Variants in NGEF observed in about 807,000 individuals in gnomAD.
NGEF encodes the protein ephexin-1.
In NGEF, 31 loss-of-function variants were observed where a neutral mutation model predicts 80.9. The observed-to-expected ratio is 0.38, with a 90% CI of 0.29 to 0.52. The LOEUF (loss-of-function observed/expected upper bound fraction) is 0.52. Among genes scored for constraint, NGEF ranks in the 20% least tolerant of loss-of-function variants. The pLI is 0.84. For missense variants in NGEF, 709 were observed against 926.2 expected, an observed-to-expected ratio of 0.77 and a Z score of 3.04; for synonymous variants, 371 against 370.2, an observed-to-expected ratio of 1.00 and a Z score of -0.03.
intron 1 of NGEF, among the ~76,000 whole-genome samples, chr2:232,977,708 G>A (rs761122178): frequency 7.2e-5 from 11 of 152,172 alleles, no homozygotes; most frequent in Non-Finnish European, 1.6e-4. Flanking sequence ...GCTGGACCGA[G>A]GAGCTCACCC....
At chr2:233,006,094 G>T (rs1695078663) in intron 1 of NGEF, among the ~76,000 whole-genome samples, 1 of 152,194 alleles carries the variant, frequency 6.6e-6, no homozygotes, top group African/African-American at 2.4e-5. Context: ...GGGATTACAG[G>T]CGTGAGCCAC....
chr2:232,988,644 C>T (rs565018691), intron 1 of NGEF, among the ~76,000 whole-genome samples: 1 of 152,316 alleles, frequency 6.6e-6, no homozygotes, highest in Non-Finnish European at 1.5e-5. Context: ...TCTGCCTGCA[C>T]TGTAGGGAGT....
rs552919921 is a variant in NGEF at position 232,891,575 on chromosome 2, T to A, written c.1143-88A>T. The A allele has an allele frequency of 6.2e-6, 9 of 1,442,808 alleles. No individual in the cohort carries two copies. In the Admixed American group the frequency reaches 2.1e-4, roughly 34 times the overall value. 89.4% of individuals were successfully genotyped at this position (1,442,808 alleles called of 1,614,324 possible). On this transcript the variant is annotated intron_variant, in intron 7 of 14. Coordinates refer to ENST00000264051, the MANE Select transcript of NGEF (RefSeq NM_019850.3). ...CCTCCCCATCCACAGCCTCCCAGGA[T>A]CCAGACGACCCACGGGCTCAGAAAA...
At chr2:232,908,105 G>A (rs945617681) in intron 5 of NGEF, among the ~76,000 whole-genome samples, 4 of 151,988 alleles carry the variant, frequency 2.6e-5, no homozygotes, top group African/African-American at 9.7e-5. Flanking sequence ...GTGAGACTCT[G>A]TCACAAAAAA....
chr2:232,952,019 G>A (rs79914727), intron 3 of NGEF, among the ~76,000 whole-genome samples: 2,707 of 152,288 alleles, frequency 0.018, 75 homozygotes, highest in African/African-American at 0.062. Context: ...CTAGGAAGGC[G>A]TGGTGTGGTC....
chr2:232,893,940 TGGA>T (rs1052744675), intron 6 of NGEF, among the ~76,000 whole-genome samples: 2 of 152,034 alleles, frequency 1.3e-5, no homozygotes, highest in Non-Finnish European at 2.9e-5. Context: ...GAGACCCACT[TGGA>T]GGCCCACAGA....
At chr2:232,968,251 G>A (rs558260108) in intron 3 of NGEF, among the ~76,000 whole-genome samples, 23 of 151,422 alleles carry the variant, frequency 1.5e-4, no homozygotes, top group Non-Finnish European at 3.2e-4. Context: ...ACCATGCCTG[G>A]CTAATTTTGT....
At position 232,914,878 on chromosome 2, in the gene NGEF, G is replaced by A. The variant is rs192501550; in HGVS notation, c.828+5406C>T. On this transcript the variant is annotated intron_variant, in intron 5 of 14. Transcript: ENST00000264051. ...CTAAAAATACAAAAATTACCTGGGC[G>A]TGGTGGTGCACGCCTGTAATCCCAG... is the stretch of plus-strand genomic sequence containing the variant. Among the ~76,000 whole-genome samples the A allele has an allele frequency of 2.1e-3, 316 of 152,070 alleles. 2 individuals are homozygous for A. The highest frequency in any genetic ancestry group is 6.8e-3 in the African/African-American group (281 of 41,478).
intron 9 of NGEF, among the ~76,000 whole-genome samples, chr2:232,885,828 C>T (rs1024887861): frequency 6.6e-6 from 1 of 152,210 alleles, no homozygotes; most frequent in Non-Finnish European, 1.5e-5. Context: ...GGGCCAGGCT[C>T]GCCGCAGGCT....
chr2:232,950,343 T>C (rs923395056), intron 3 of NGEF, among the ~76,000 whole-genome samples: 7 of 152,216 alleles, frequency 4.6e-5, no homozygotes, highest in African/African-American at 1.7e-4. Context: ...TATGTATATG[T>C]TTTAACAAGG....
intron 1 of NGEF, among the ~76,000 whole-genome samples, chr2:232,978,158 CTT>C (rs113485504): frequency 2.7e-5 from 4 of 149,518 alleles, no homozygotes; most frequent in Middle Eastern, 3.5e-3. Context: ...CTAACATGAA[CTT>C]TTTTTTTTTT....
chr2:233,006,328 A>G (rs1178627999), intron 1 of NGEF, among the ~76,000 whole-genome samples: 1 of 152,180 alleles, frequency 6.6e-6, no homozygotes, highest in African/African-American at 2.4e-5. Flanking sequence ...CTCAAGCAAT[A>G]TTATTCACTG....
At chr2:232,882,093 G>A in intron 13 of NGEF, 93 bp downstream of exon 13, 1 of 1,166,398 alleles carries the variant, frequency 8.6e-7, no homozygotes, top group East Asian at 2.5e-5. Context: ...CTCAGGGAGG[G>A]CTTCCCTCCA....
At chr2:232,905,274 G>A (rs1050838701) in intron 5 of NGEF, among the ~76,000 whole-genome samples, 5 of 152,176 alleles carry the variant, frequency 3.3e-5, no homozygotes, top group South Asian at 2.1e-4. Context: ...ACTGGTTTTC[G>A]TATTTTTTTG....
chr2:232,977,209 G>A (rs988426136), intron 1 of NGEF, among the ~76,000 whole-genome samples: 8 of 152,150 alleles, frequency 5.3e-5, no homozygotes, highest in Admixed American at 3.3e-4. Flanking sequence ...GGGGACCCCT[G>A]CACTTGCTCC....
intron 4 of NGEF, among the ~76,000 whole-genome samples, chr2:232,921,642 T>G (rs1692945852): frequency 6.6e-6 from 1 of 151,282 alleles, no homozygotes; most frequent in South Asian, 2.1e-4. Context: ...TTTTTTTTTT[T>G]GTAGAGATGA....
At chr2:232,971,739 A>G (rs987590343) in intron 2 of NGEF, among the ~76,000 whole-genome samples, 2 of 152,218 alleles carry the variant, frequency 1.3e-5, no homozygotes, top group South Asian at 2.1e-4. Context: ...ATGGCTGGAC[A>G]TAAAGGCCAC....
chr2:232,914,429 G>A lies in NGEF; in HGVS notation c.828+5855C>T, dbSNP rs563276426. 4.6e-5 allele frequency among the ~76,000 whole-genome samples: 7 copies of A among 152,324 alleles called. No individual in the cohort carries two copies. In the East Asian group the frequency reaches 1.2e-3, roughly 25 times the overall value. ...GATGTAGAACATTCCATCATTGCCA[G>A]GCATGGTGCCTCACACCTGTCTCAG... On this transcript the variant is annotated intron_variant, in intron 5 of 14. Transcript: ENST00000264051.
At chr2:232,906,679 T>G in intron 5 of NGEF, among the ~76,000 whole-genome samples, 1 of 129,074 alleles carries the variant, frequency 7.7e-6, no homozygotes, top group Non-Finnish European at 1.7e-5. Context: ...ATCTGGGAGG[T>G]GTACCCAACA....
Sources: allele counts gnomAD v4.1 joint callset (sites outside exome capture counted in the v4.1 genomes callset), GRCh38; gene constraint gnomAD v4.1.1; transcripts MANE v1.5; gene names NCBI Gene and HGNC (gene_info 2026-07-23, HGNC 2026-07-21).